The following MPZL1 variants were observed in gnomAD, a reference collection of about 807,000 sequenced individuals.
The protein encoded by MPZL1 is myelin protein zero like 1.
A neutral mutation model predicts 29.3 loss-of-function variants in MPZL1; 16 were observed. The observed-to-expected ratio is 0.55, with a 90% CI of 0.37 to 0.83. The LOEUF (loss-of-function observed/expected upper bound fraction) is 0.83. Among genes scored for constraint, MPZL1 ranks in the 40% least tolerant of loss-of-function variants. The pLI is 0.00. For missense variants in MPZL1, 279 were observed against 332.9 expected (o/e 0.84, Z 1.26); for synonymous variants, 143 against 132.0 (o/e 1.08, Z -0.57).
chr1:167,727,406 A>G (rs760050965), intron 1 of MPZL1, among the ~76,000 whole-genome samples: 28 of 152,336 alleles, frequency 1.8e-4, no homozygotes, highest in Middle Eastern at 3.4e-3. Context: ...TCTCATGTGT[A>G]CCTCAACCTT....
intron 1 of MPZL1, among the ~76,000 whole-genome samples, chr1:167,741,377 G>A (rs955728659): frequency 7.2e-5 from 10 of 138,762 alleles, no homozygotes; most frequent in South Asian, 2.3e-4. Flanking sequence ...TCACCCAGGC[G>A]TGCTGTGGCA....
rs763740673 is a variant in MPZL1, at chr1:167,790,230, G to C, written c.*2309G>C. Reference sequence around the variant, plus strand: ...TGTTGGTGAAGCTGGTGCTGTGGGGGCCACTCACTCGAATGACACCTGGAG... The same window carrying C: ...TGTTGGTGAAGCTGGTGCTGTGGGGCCCACTCACTCGAATGACACCTGGAG... On this transcript the variant is annotated 3_prime_UTR_variant, in exon 6 of 6. Coordinates refer to ENST00000359523, the MANE Select transcript of MPZL1 (RefSeq NM_003953.6). 7.2e-5 allele frequency: 11 copies of C among 152,458 alleles called. No individual in the cohort carries two copies. Among genetic ancestry groups the C allele is most frequent in the Non-Finnish European group, 1.5e-4 (10 of 68,130 alleles). 9.4% of individuals were successfully genotyped at this position (152,458 alleles called of 1,614,324 possible).
At position 167,765,667 on chromosome 1, in the gene MPZL1, A is replaced by G. The variant is rs1214322653; in HGVS notation, c.176A>G (p.Lys59Arg). The G allele has an allele frequency of 6.2e-7, 1 of 1,613,816 alleles. No individual in the cohort carries two copies. Residue 59 changes from lysine (K) to arginine (R), a missense_variant, in exon 2 of 6, where the codon AAG (lysine) becomes AGG (arginine). Physicochemically the swap from Lys to Arg is conservative, Grantham distance 26. Transcript: ENST00000359523. ...ANGTQGKLTC[K>R]FKSTSTTGGL... is the part of the protein sequence containing the mutation. ...GGTACACAAGGGAAGCTGACCTGCA[A>G]GTTCAAGTCTACTAGTACGACTGGC...
chr1:167,746,771 C>T (rs78017742), intron 1 of MPZL1, among the ~76,000 whole-genome samples: 1,522 of 152,144 alleles, frequency 0.01, 30 homozygotes, highest in African/African-American at 0.035. Context: ...CTGTTTTTGG[C>T]TTTTTCCTAA....
At chr1:167,739,310 C>CATATATACATATATACATATAT (rs68082264) in intron 1 of MPZL1, among the ~76,000 whole-genome samples, 3 of 101,374 alleles carry the variant, frequency 3.0e-5, no homozygotes, top group African/African-American at 1.5e-4. Context: ...TATATATATA[C>CATATATACATATATACATATAT]ACATATATAT....
In MPZL1 at chr1:167,722,217, G is replaced by A. The variant is rs1660044076; in HGVS notation, c.66G>A (p.Ser22=). The A allele has an allele frequency of 3.2e-6, 4 of 1,239,358 alleles. No homozygotes were observed. Among genetic ancestry groups the A allele is most frequent in the Non-Finnish European group, 4.0e-6 (4 of 987,900 alleles). 76.8% of individuals were successfully genotyped at this position (1,239,358 alleles called of 1,614,324 possible). A position where few individuals can be genotyped will look rare whatever the true frequency, so the allele number is the denominator to read the frequency against. ...CAGACAGCCGGCGCTGGCTGTGGTC[G>A]GTGCTGGCGGCGGCGCTTGGGCTCT... The part of the protein sequence containing the change: ...AAPDSRRWLW[S]VLAAALGLLT... The change falls in exon 1 of 6, where the codon TCG becomes TCA. Residue 22 remains serine (S), a synonymous_variant. Transcript: ENST00000359523.
chr1:167,783,109 T>C (rs538648004), intron 5 of MPZL1, among the ~76,000 whole-genome samples: 25 of 152,338 alleles, frequency 1.6e-4, no homozygotes, highest in Non-Finnish European at 2.6e-4. Context: ...TTTTGAGTCA[T>C]TGCTGATTGT....
chr1:167,754,795 C>A (rs1474450301), intron 1 of MPZL1, among the ~76,000 whole-genome samples: 1 of 152,170 alleles, frequency 6.6e-6, no homozygotes, highest in Non-Finnish European at 1.5e-5. Flanking sequence ...TCCTGATACC[C>A]AGGCCATACC....
chr1:167,737,921 GTT>G (rs59205713), intron 1 of MPZL1, among the ~76,000 whole-genome samples: 2 of 151,354 alleles, frequency 1.3e-5, no homozygotes, highest in Non-Finnish European at 2.9e-5. Context: ...GTGTTTTTTT[GTT>G]TGTTTGTTTG....
At position 167,788,138 on chromosome 1, in the gene MPZL1, G is replaced by T. The variant is rs1351118580; in HGVS notation, c.*217G>T. On this transcript the variant is annotated 3_prime_UTR_variant, in exon 6 of 6. Transcript: ENST00000359523. ...GCCAGTGTTGCATGATGAAAAGATG[G>T]TATGATTCTACATATGTACCCATTG... The T allele has an allele frequency of 6.1e-6, 3 of 487,876 alleles. No individual in the cohort carries two copies. Among genetic ancestry groups the T allele is most frequent in the Admixed American group, 3.5e-5 (1 of 28,696 alleles). 30.2% of individuals were successfully genotyped at this position (487,876 alleles called of 1,614,324 possible).
At chr1:167,751,542 G>A (rs575422642) in intron 1 of MPZL1, among the ~76,000 whole-genome samples, 17 of 151,794 alleles carry the variant, frequency 1.1e-4, no homozygotes, top group African/African-American at 3.4e-4. Context: ...GTGGTGGCTC[G>A]CGCCTGTAAT....
chr1:167,733,871 C>T lies in MPZL1; in HGVS notation c.91+11629C>T, dbSNP rs148469668. ...AGTGAGCTATGATTGAGCCACTGCA[C>T]TCTAGCCTGCAACAGAGCAAGACCC... On this transcript the variant is annotated intron_variant, in intron 1 of 5. Coordinates refer to ENST00000359523, the MANE Select transcript of MPZL1 (RefSeq NM_003953.6). 3.8e-3 allele frequency among the ~76,000 whole-genome samples: 583 copies of T among 151,796 alleles called. 4 individuals carry two copies. The highest frequency in any genetic ancestry group is 0.013 in the African/African-American group (557 of 41,376).
intron 1 of MPZL1, among the ~76,000 whole-genome samples, chr1:167,762,387 G>T (rs1661007287): frequency 2.6e-5 from 4 of 152,184 alleles, no homozygotes. Context: ...TGCGAATTGG[G>T]CAGCCTTCTG....
At chr1:167,725,167 T>C (rs1181328595) in intron 1 of MPZL1, among the ~76,000 whole-genome samples, 1 of 152,162 alleles carries the variant, frequency 6.6e-6, no homozygotes, top group Non-Finnish European at 1.5e-5. Flanking sequence ...TCCAATCAGT[T>C]CTCCCATCTT....
chr1:167,761,009 T>C (rs566865983), intron 1 of MPZL1, among the ~76,000 whole-genome samples: 2 of 152,218 alleles, frequency 1.3e-5, no homozygotes, highest in African/African-American at 4.8e-5. Context: ...AGGGAGTAAC[T>C]TTCAAAGGTT....
At chr1:167,752,296 T>A (rs1387528426) in intron 1 of MPZL1, among the ~76,000 whole-genome samples, 1 of 152,204 alleles carries the variant, frequency 6.6e-6, no homozygotes, top group Non-Finnish European at 1.5e-5. Context: ...GTCTATTTGC[T>A]ACTTCAGGGG....
At chr1:167,775,386 T>G (rs770589688) in intron 4 of MPZL1, among the ~76,000 whole-genome samples, 3 of 152,208 alleles carry the variant, frequency 2.0e-5, no homozygotes, top group Non-Finnish European at 4.4e-5. Flanking sequence ...TACCCCAGCT[T>G]TCTTACTTCC....
intron 1 of MPZL1, among the ~76,000 whole-genome samples, chr1:167,735,712 G>A (rs932271187): frequency 2.6e-5 from 4 of 152,138 alleles, no homozygotes; most frequent in African/African-American, 9.7e-5. Context: ...TTCTTTTTCA[G>A]GGATGGTCAG....
intron 5 of MPZL1, 27 bp downstream of exon 5, chr1:167,776,193 C>T: frequency 1.3e-6 from 2 of 1,529,078 alleles, no homozygotes; most frequent in Non-Finnish European, 1.8e-6. Context: ...ATTCTGCCCA[C>T]TGCACTGTTC....
Sources: allele counts gnomAD v4.1 joint callset (sites outside exome capture counted in the v4.1 genomes callset), GRCh38; gene constraint gnomAD v4.1.1; transcripts MANE v1.5; gene names NCBI Gene and HGNC (gene_info 2026-07-23, HGNC 2026-07-21).